Variants in ANKS1B observed in about 807,000 individuals in gnomAD.
ANKS1B encodes the protein ankyrin repeat and sterile alpha motif domain-containing protein 1B.
ANKS1B carries 36 observed loss-of-function variants against 148.3 expected under a neutral mutation model. The ratio of observed to expected loss-of-function variants is 0.24; its 90% CI spans 0.19 to 0.32. The LOEUF is 0.32. ANKS1B is among the 10% of genes least tolerant of loss of function. ANKS1B has a pLI of 1.00. For synonymous variants in ANKS1B, 542 were observed against 560.8 expected (o/e 0.97, Z 0.47); for missense variants, 1,157 against 1,542.6 (o/e 0.75, Z 4.19).
intron 12 of ANKS1B, among the ~76,000 whole-genome samples, chr12:99,284,349 C>T (rs904183107): frequency 6.6e-6 from 1 of 152,110 alleles, no homozygotes; most frequent in African/African-American, 2.4e-5. Flanking sequence ...CACTTGGGTG[C>T]TCAAAGTAGA....
intron 1 of ANKS1B, among the ~76,000 whole-genome samples, chr12:99,832,780 A>T (rs1311544745): frequency 6.6e-6 from 1 of 152,098 alleles, no homozygotes; most frequent in Non-Finnish European, 1.5e-5. Context: ...GCAAAAAAAA[A>T]ATAAAAAATT....
intron 1 of ANKS1B, among the ~76,000 whole-genome samples, chr12:99,926,356 G>A (rs935381336): frequency 1.3e-5 from 2 of 152,234 alleles, no homozygotes; most frequent in Non-Finnish European, 2.9e-5. Context: ...TCGGTAGACT[G>A]AGTAAAGCAG....
intron 7 of ANKS1B, 67 bp downstream of exon 7, chr12:99,775,481 T>C (rs901119163): frequency 1.8e-6 from 2 of 1,094,318 alleles, no homozygotes; most frequent in Admixed American, 1.9e-5. Context: ...CCTATTAGAC[T>C]TGAAATTTTC....
chr12:99,049,786 T>C (rs1410922029), intron 17 of ANKS1B, among the ~76,000 whole-genome samples: 1 of 152,228 alleles, frequency 6.6e-6, no homozygotes, highest in Non-Finnish European at 1.5e-5. Context: ...CACGTGGATA[T>C]TGCTACCTTA....
intron 12 of ANKS1B, among the ~76,000 whole-genome samples, chr12:99,367,480 T>A (rs551744774): frequency 6.7e-4 from 102 of 152,312 alleles, no homozygotes; most frequent in Non-Finnish European, 1.0e-3. Context: ...ATCGGTATTT[T>A]AAAAAATTAT....
chr12:99,589,772 T>C (rs1478270886), intron 9 of ANKS1B, among the ~76,000 whole-genome samples: 1 of 152,166 alleles, frequency 6.6e-6, no homozygotes, highest in Non-Finnish European at 1.5e-5. Context: ...AGGGCGACTA[T>C]AGTTAACAAT....
rs561131233 is a variant in ANKS1B, at chr12:99,752,627, T to C, written c.1128+20295A>G. 2.4e-4 allele frequency among the ~76,000 whole-genome samples: 37 copies of C among 152,178 alleles called. 1 individual carries two copies. In the South Asian group the frequency reaches 6.6e-3, roughly 27 times the overall value. ...TGTGTATTTTATGTTTATATTTTTA[T>C]GTTTTGTAGGATATTGATACTATTT... On this transcript the variant is annotated intron_variant, in intron 8 of 26. Transcript: ENST00000683438.
At chr12:99,572,331 T>A (rs933813617) in intron 9 of ANKS1B, among the ~76,000 whole-genome samples, 1 of 152,126 alleles carries the variant, frequency 6.6e-6, no homozygotes, top group Admixed American at 6.6e-5. Context: ...TTTTATTATA[T>A]GAGTTTAGGT....
chr12:98,755,764 A>G (rs2098224824), intron 25 of ANKS1B, among the ~76,000 whole-genome samples: 1 of 152,154 alleles, frequency 6.6e-6, no homozygotes, highest in African/African-American at 2.4e-5. Context: ...AGAACTTGAC[A>G]TGACCCAATA....
chr12:99,126,693 CTTTGCACTCTACTTAT>C (rs1426885416), intron 15 of ANKS1B, among the ~76,000 whole-genome samples: 13 of 152,174 alleles, frequency 8.5e-5, no homozygotes, highest in Non-Finnish European at 1.9e-4. Context: ...TTTTAATTTT[CTTTGCACTCTACTTAT>C]TTCCAAGAGG....
intron 17 of ANKS1B, among the ~76,000 whole-genome samples, chr12:98,964,648 T>C (rs2099876271): frequency 6.6e-6 from 1 of 152,170 alleles, no homozygotes; most frequent in South Asian, 2.1e-4. Context: ...CTCTTGTCAT[T>C]GTCAACAACG....
chr12:98,895,006 G>A (rs2099761747), intron 17 of ANKS1B: 1 of 819,106 alleles, frequency 1.2e-6, no homozygotes, highest in Non-Finnish European at 1.5e-6. Context: ...CGGCGGCGGC[G>A]GCGCGTCCTC....
intron 11 of ANKS1B, among the ~76,000 whole-genome samples, chr12:99,412,976 A>C (rs2094767498): frequency 1.3e-5 from 2 of 152,232 alleles, no homozygotes; most frequent in African/African-American, 4.8e-5. Context: ...TAATGTGATC[A>C]AGACTTGCTC....
chr12:99,053,551 T>C (rs2099967612), intron 16 of ANKS1B, among the ~76,000 whole-genome samples: 3 of 152,218 alleles, frequency 2.0e-5, no homozygotes, highest in Admixed American at 1.3e-4. Flanking sequence ...ATTAACTCTA[T>C]ATTTGGAAGA....
chr12:99,193,656 C>T (rs1040227234), intron 14 of ANKS1B, among the ~76,000 whole-genome samples: 3 of 151,996 alleles, frequency 2.0e-5, no homozygotes, highest in African/African-American at 7.2e-5. Flanking sequence ...AAAGATACTT[C>T]TTTTTCTTTC....
At chr12:99,234,945 C>T (rs1461546060) in intron 14 of ANKS1B, among the ~76,000 whole-genome samples, 1 of 152,108 alleles carries the variant, frequency 6.6e-6, no homozygotes, top group African/African-American at 2.4e-5. Flanking sequence ...TGGAATGGTA[C>T]ATGCCATGGT....
chr12:99,741,767 T>C (rs1389886993), intron 8 of ANKS1B, among the ~76,000 whole-genome samples: 1 of 151,794 alleles, frequency 6.6e-6, no homozygotes, highest in South Asian at 2.1e-4. Context: ...AGGGGAGGGA[T>C]AGCATTAGGA....
intron 8 of ANKS1B, among the ~76,000 whole-genome samples, chr12:99,696,128 T>C (rs893774225): frequency 6.6e-6 from 1 of 151,622 alleles, no homozygotes; most frequent in Non-Finnish European, 1.5e-5. Flanking sequence ...AAAAGAGAAA[T>C]TTTTTTTAAG....
At chr12:99,692,668 CAAA>C (rs71088139) in intron 8 of ANKS1B, among the ~76,000 whole-genome samples, 8 of 128,420 alleles carry the variant, frequency 6.2e-5, no homozygotes, top group African/African-American at 5.8e-5. Flanking sequence ...AAGATTCTGT[CAAA>C]AAAAAAAAAA....
Sources: allele counts gnomAD v4.1 joint callset (sites outside exome capture counted in the v4.1 genomes callset), GRCh38; gene constraint gnomAD v4.1.1; transcripts MANE v1.5; gene names NCBI Gene and HGNC (gene_info 2026-07-23, HGNC 2026-07-21).